Variants in TMEM222 observed in about 807,000 individuals in gnomAD.
The protein encoded by TMEM222 is transmembrane protein 222.
A neutral mutation model predicts 25.1 loss-of-function variants in TMEM222; 18 were observed. The ratio of observed to expected loss-of-function variants is 0.72; its 90% CI spans 0.50 to 1.06. TMEM222 has a LOEUF of 1.06. TMEM222 is among the 50% of genes least tolerant of loss of function. The pLI, the probability that TMEM222 is intolerant of heterozygous loss-of-function variation, is 0.00. For synonymous variants in TMEM222, 131 were observed against 117.9 expected (o/e 1.11, Z -0.72); for missense variants, 296 against 293.7 (o/e 1.01, Z -0.06).
intron 1 of TMEM222, among the ~76,000 whole-genome samples, chr1:27,324,265 G>C (rs936967591): frequency 4.6e-5 from 7 of 152,162 alleles, no homozygotes; most frequent in Non-Finnish European, 1.0e-4. Context: ...TGGAGGTTGC[G>C]GTGAGCCAAG....
chr1:27,335,878 C>T lies in TMEM222; in HGVS notation c.*412C>T, dbSNP rs952383131. ...GAGCTGGTCCCAGCATGGGGTGCAC[C>T]GGGTACACTTAACGTGTCTCTATAA... On this transcript the variant is annotated 3_prime_UTR_variant, in exon 6 of 6. Coordinates refer to ENST00000374076, the MANE Select transcript of TMEM222 (RefSeq NM_032125.3). 9 of 221,040 alleles carry T rather than the reference C, an allele frequency of 4.1e-5. No individual in the cohort carries two copies. The highest frequency in any genetic ancestry group is 2.1e-4 in the East Asian group (2 of 9,304). 13.7% of individuals were successfully genotyped at this position (221,040 alleles called of 1,614,324 possible). A position where few individuals can be genotyped will look rare whatever the true frequency, so the allele number is the denominator to read the frequency against.
Position 27,322,256 on chromosome 1 carries a change from G to C in TMEM222, c.59G>C (p.Arg20Thr). The C allele has an allele frequency of 6.5e-7, 1 of 1,536,994 alleles. No individual in the cohort carries two copies. The highest frequency in any genetic ancestry group is 1.4e-5 in the African/African-American group (1 of 71,968). Residue 20 changes from arginine (R) to threonine (T), a missense_variant, in exon 1 of 6, where the codon AGG (arginine) becomes ACG (threonine). Transcript: ENST00000374076. The stretch of plus-strand genomic sequence containing the variant: ...TTGCCGCCGCCGCCACCCCCGCCCA[G>C]GATGGCGGAAGTGGAGGCGCCGACG... ...LLLPPPPPPP[R>T]MAEVEAPTAA...
chr1:27,325,821 A>G, intron 1 of TMEM222: 5 of 799,518 alleles, frequency 6.3e-6, no homozygotes, highest in South Asian at 5.3e-5. Flanking sequence ...GATGCGTAGC[A>G]TTTGCTGCAT....
Position 27,330,766 on chromosome 1 carries a change from G to A in TMEM222, c.241G>A (p.Gly81Arg). The A allele has an allele frequency of 1.2e-6, 2 of 1,614,218 alleles. No homozygotes were observed. Among genetic ancestry groups the A allele is most frequent in the Non-Finnish European group, 1.7e-6 (2 of 1,180,040 alleles). ...CCACATGGGCATCTGCACATCCACAGGAGTCATTCGGGACTTCGCGGGCCC... is the reference window on the plus strand; with the variant it reads ...CCACATGGGCATCTGCACATCCACAAGAGTCATTCGGGACTTCGCGGGCCC... ...IGHMGICTST[G>R]VIRDFAGPYF... is the part of the protein sequence containing the mutation. Residue 81 changes from glycine to arginine, a missense_variant, in exon 2 of 6, where the codon GGA becomes AGA. Coordinates refer to ENST00000374076, the MANE Select transcript of TMEM222 (RefSeq NM_032125.3).
chr1:27,322,494 CG>C (rs1401068358), intron 1 of TMEM222, 103 bp downstream of exon 1: 2 of 1,146,974 alleles, frequency 1.7e-6, no homozygotes, highest in Non-Finnish European at 2.3e-6. Flanking sequence ...GCCTTTTCCT[CG>C]GGTCTGGCCC....
At chr1:27,332,042 A>G (rs2014491443) in intron 2 of TMEM222, 28 bp from the exon 3 acceptor site, 1 of 1,613,920 alleles carries the variant, frequency 6.2e-7, no homozygotes, top group Admixed American at 1.7e-5. Flanking sequence ...TAAGTTCCTC[A>G]CTGACCTCTG....
intron 1 of TMEM222, chr1:27,325,497 A>C: frequency 6.8e-7 from 1 of 1,462,350 alleles, no homozygotes; most frequent in Non-Finnish European, 9.6e-7. Flanking sequence ...CATCCACGAG[A>C]CCACGTTCAA....
At position 27,334,426 on chromosome 1, in the gene TMEM222, C is replaced by T. The variant is rs570499478; in HGVS notation, c.539+145C>T. On this transcript the variant is annotated intron_variant, in intron 5 of 5. Transcript: ENST00000374076. ...TGGAGCCGTGGTGGTTCTAGAGTGA[C>T]GAGCTGAGGGCCTGATGGAGAGGGA... 4.7e-5 allele frequency: 63 copies of T among 1,349,944 alleles called. No individual in the cohort carries two copies. The Middle Eastern group carries it at 7.9e-4, about 17-fold the overall frequency. 83.6% of individuals were successfully genotyped at this position (1,349,944 alleles called of 1,614,324 possible).
chr1:27,326,202 T>G (rs2014346265), intron 1 of TMEM222, among the ~76,000 whole-genome samples: 1 of 152,188 alleles, frequency 6.6e-6, no homozygotes, highest in African/African-American at 2.4e-5. Flanking sequence ...CTCTAGAGGC[T>G]GACAAGGGCT....
At chr1:27,328,338 A>G (rs543578196) in intron 1 of TMEM222, among the ~76,000 whole-genome samples, 11 of 152,302 alleles carry the variant, frequency 7.2e-5, no homozygotes, top group African/African-American at 2.6e-4. Flanking sequence ...GGGGACTGAG[A>G]TGAAGTTCAA....
chr1:27,325,341 G>A (rs928238189), intron 1 of TMEM222: 13 of 778,484 alleles, frequency 1.7e-5, no homozygotes, highest in Non-Finnish European at 2.8e-5. Context: ...CCTGGACTTC[G>A]AGCAGGAGAT....
At position 27,322,184 on chromosome 1, in the gene TMEM222, G is replaced by C; in HGVS notation, c.-14G>C. The C allele has an allele frequency of 1.5e-5, 21 of 1,378,388 alleles. No individual in the cohort carries two copies. The highest frequency in any genetic ancestry group is 2.0e-5 in the Non-Finnish European group (21 of 1,054,822). The allele number at this position is 1,378,388 out of a possible 1,614,324, so 85.4% of individuals were successfully genotyped here. A position where few individuals can be genotyped will look rare whatever the true frequency, so the allele number is the denominator to read the frequency against. On this transcript the variant is annotated 5_prime_UTR_variant, in exon 1 of 6. Transcript: ENST00000374076. ...CACCAGAGCCGGGGCCAGTCGGAGC[G>C]GGGCGCGCGCCGCATGGCGGAAGCG...
intron 1 of TMEM222, among the ~76,000 whole-genome samples, chr1:27,323,879 T>C (rs539182747): frequency 6.3e-4 from 96 of 152,302 alleles, no homozygotes; most frequent in African/African-American, 2.1e-3. Context: ...TAGTTCTAGG[T>C]GATGCGAATA....
In TMEM222 at chr1:27,325,345, A is replaced by G. The variant is rs560733793; in HGVS notation, c.194+2954A>G. On this transcript the variant is annotated intron_variant, in intron 1 of 5. Coordinates refer to ENST00000374076, the MANE Select transcript of TMEM222 (RefSeq NM_032125.3). ...ATTTTTGTCTCCCTGGACTTCGAGCAGGAGATGGCCACTACCACATCCTCC... is the reference window on the plus strand; with the variant it reads ...ATTTTTGTCTCCCTGGACTTCGAGCGGGAGATGGCCACTACCACATCCTCC... 7 of 791,342 alleles carry G rather than the reference A, an allele frequency of 8.8e-6. No homozygotes were observed. The African/African-American group carries it at 1.2e-4, about 13-fold the overall frequency. The allele number at this position is 791,342 out of a possible 1,614,324, so 49.0% of individuals were successfully genotyped here. A position where few individuals can be genotyped will look rare whatever the true frequency, so the allele number is the denominator to read the frequency against.
At chr1:27,322,697 A>T (rs2014236004) in intron 1 of TMEM222, among the ~76,000 whole-genome samples, 1 of 152,186 alleles carries the variant, frequency 6.6e-6, no homozygotes, top group Non-Finnish European at 1.5e-5. Flanking sequence ...ATCGGATCTG[A>T]GGAGACATTT....
chr1:27,330,831 G>A (rs1199181141), intron 2 of TMEM222, 27 bp downstream of exon 2: 2 of 1,612,690 alleles, frequency 1.2e-6, no homozygotes, highest in South Asian at 2.2e-5. Flanking sequence ...CCCACCCGGG[G>A]GGTTCCAAGG....
Position 27,322,167 on chromosome 1 carries a change from C to A in TMEM222, c.-31C>A. ...GCCATGGGGACGAGCGGCACCAGAG[C>A]CGGGGCCAGTCGGAGCGGGGCGCGC... On this transcript the variant is annotated 5_prime_UTR_variant, in exon 1 of 6. Transcript: ENST00000374076. 1 of 1,364,424 alleles carries A rather than the reference C, an allele frequency of 7.3e-7. No homozygotes were observed. The allele number at this position is 1,364,424 out of a possible 1,614,324, so 84.5% of individuals were successfully genotyped here.
chr1:27,325,945 T>C (rs2014337416), intron 1 of TMEM222: 1 of 649,748 alleles, frequency 1.5e-6, no homozygotes, highest in African/African-American at 1.8e-5. Context: ...GTATCTAATA[T>C]CAGCACTGGA....
chr1:27,325,642 T>G (rs1372888802), intron 1 of TMEM222: 29 of 851,500 alleles, frequency 3.4e-5, no homozygotes, highest in Non-Finnish European at 6.0e-5. Context: ...TCCAGCACCA[T>G]GAAGATCAAG....
Sources: allele counts gnomAD v4.1 joint callset (sites outside exome capture counted in the v4.1 genomes callset), GRCh38; gene constraint gnomAD v4.1.1; transcripts MANE v1.5; gene names NCBI Gene and HGNC (gene_info 2026-07-23, HGNC 2026-07-21).